CNTN6: variants seen among roughly 807,000 people sequenced by gnomAD.
CNTN6 encodes contactin 6.
In CNTN6, 137 loss-of-function variants were observed where a neutral mutation model predicts 122.8. The ratio of observed to expected loss-of-function variants is 1.12; its 90% CI spans 0.97 to 1.29. The LOEUF (loss-of-function observed/expected upper bound fraction) is 1.29, where lower values mean the gene tolerates loss of function less well. CNTN6 is among the 50% of genes most tolerant of loss of function. CNTN6 has a pLI of 0.00. For missense variants in CNTN6, 1,634 were observed against 1,223.4 expected, an observed-to-expected ratio of 1.34 and a Z score of -5.01; for synonymous variants, 570 against 426.0, an observed-to-expected ratio of 1.34 and a Z score of -4.16.
intron 1 of CNTN6, among the ~76,000 whole-genome samples, chr3:1,112,030 T>TA (rs1377814846): frequency 7.9e-5 from 12 of 152,120 alleles, no homozygotes; most frequent in Non-Finnish European, 1.5e-4. Flanking sequence ...AGGGGTGCCA[T>TA]AAAAATGATT....
At chr3:1,209,083 C>A (rs898944247) in intron 2 of CNTN6, among the ~76,000 whole-genome samples, 1 of 152,116 alleles carries the variant, frequency 6.6e-6, no homozygotes, top group African/African-American at 2.4e-5. Context: ...ATGAACTCTT[C>A]TTATTATAAT....
rs563807754 is a variant in CNTN6, at chr3:1,334,380, T to A, written c.1364+4445T>A. On this transcript the variant is annotated intron_variant, in intron 11 of 22. Coordinates refer to ENST00000446702, the MANE Select transcript of CNTN6 (RefSeq NM_001289080.2). ...AAATGCTAGACTCCTCTTTTTATTT[T>A]TTTTTTTTTTTTGAGGCCACTATTT... Among the ~76,000 whole-genome samples, 337 of 143,406 alleles carry A rather than the reference T, an allele frequency of 2.3e-3. 1 individual carries two copies. The highest frequency in any genetic ancestry group is 0.01 in the Middle Eastern group (3 of 286). The allele number at this position is 143,406 out of a possible 152,430, so 94.1% of individuals were successfully genotyped here.
chr3:1,139,468 CA>C (rs2092560034), intron 1 of CNTN6, among the ~76,000 whole-genome samples: 1 of 152,112 alleles, frequency 6.6e-6, no homozygotes, highest in African/African-American at 2.4e-5. Context: ...TTCTTGTACT[CA>C]TCAAATTAAA....
intron 5 of CNTN6, among the ~76,000 whole-genome samples, chr3:1,292,578 C>T (rs1024442705): frequency 2.6e-5 from 4 of 152,092 alleles, no homozygotes; most frequent in South Asian, 2.1e-4. Flanking sequence ...TTTAGTGATT[C>T]TAATGTACAT....
At chr3:1,348,923 C>G (rs1183652821) in intron 11 of CNTN6, among the ~76,000 whole-genome samples, 1 of 151,956 alleles carries the variant, frequency 6.6e-6, no homozygotes, top group African/African-American at 2.4e-5. Flanking sequence ...TATAATATGT[C>G]ATAGCCTCCA....
At chr3:1,201,988 G>A (rs1414756927) in intron 2 of CNTN6, among the ~76,000 whole-genome samples, 1 of 152,054 alleles carries the variant, frequency 6.6e-6, no homozygotes, top group Non-Finnish European at 1.5e-5. Flanking sequence ...ATTTTTCTGA[G>A]TCTTGCAAAT....
chr3:1,239,693 CA>C (rs1181149372), intron 4 of CNTN6, among the ~76,000 whole-genome samples: 5 of 151,946 alleles, frequency 3.3e-5, no homozygotes, highest in African/African-American at 9.7e-5. Flanking sequence ...TACATGGAAC[CA>C]AAAAAGAGCC....
At chr3:1,298,883 T>A (rs1696736702) in intron 7 of CNTN6, among the ~76,000 whole-genome samples, 1 of 152,124 alleles carries the variant, frequency 6.6e-6, no homozygotes, top group Non-Finnish European at 1.5e-5. Flanking sequence ...TCGGAGGGCT[T>A]ACCTCTAAAT....
At chr3:1,349,036 C>T in intron 11 of CNTN6, among the ~76,000 whole-genome samples, 1 of 151,888 alleles carries the variant, frequency 6.6e-6, no homozygotes, top group Middle Eastern at 3.2e-3. Context: ...CCGTTTCAAA[C>T]ACAGTAGACA....
Position 1,385,781 on chromosome 3 carries a change from T to C in CNTN6, c.2688T>C (p.Val896=). ...GGCCCTCAAGCCCCCCAGTCAATGTTACCACCAAAAAGTCTCGTAAGTATG... is the reference window on the plus strand; with the variant it reads ...GGCCCTCAAGCCCCCCAGTCAATGTCACCACCAAAAAGTCTCGTAAGTATG... ...GTGPSSPPVN[V]TTKKSPPSQP... is the part of the protein sequence containing the mutation. The change falls in exon 20 of 23, where the codon GTT becomes GTC. Residue 896 remains valine (V), a synonymous_variant. Coordinates refer to ENST00000446702, the MANE Select transcript of CNTN6 (RefSeq NM_001289080.2). The C allele has an allele frequency of 6.8e-6, 11 of 1,609,844 alleles. No homozygotes were observed. Among genetic ancestry groups the C allele is most frequent in the Non-Finnish European group, 8.5e-6 (10 of 1,178,488 alleles).
chr3:1,250,983 T>G (rs2094657513), intron 4 of CNTN6, among the ~76,000 whole-genome samples: 1 of 152,150 alleles, frequency 6.6e-6, no homozygotes, highest in African/African-American at 2.4e-5. Flanking sequence ...TAGCCCGCAC[T>G]ACTCATAACT....
intron 4 of CNTN6, among the ~76,000 whole-genome samples, chr3:1,259,638 T>C (rs1282999628): frequency 1.3e-5 from 2 of 152,126 alleles, no homozygotes; most frequent in African/African-American, 2.4e-5. Context: ...TGAACTTACA[T>C]GAGTTGAGTC....
At chr3:1,295,432 A>T (rs1696041616) in intron 5 of CNTN6, among the ~76,000 whole-genome samples, 169 bp from the exon 6 acceptor site, 3 of 152,212 alleles carry the variant, frequency 2.0e-5, no homozygotes, top group Admixed American at 2.0e-4. Flanking sequence ...GCTATATTTC[A>T]ATATAAGGGA....
chr3:1,302,512 G>T (rs975152997), intron 7 of CNTN6, among the ~76,000 whole-genome samples: 13 of 152,052 alleles, frequency 8.5e-5, no homozygotes, highest in African/African-American at 3.1e-4. Flanking sequence ...AGGGAGGAAG[G>T]AAATCAATAG....
At chr3:1,217,078 A>G (rs1169257305) in intron 2 of CNTN6, among the ~76,000 whole-genome samples, 1 of 152,218 alleles carries the variant, frequency 6.6e-6, no homozygotes, top group Non-Finnish European at 1.5e-5. Flanking sequence ...AAATCTCAAA[A>G]CAACCATCTG....
rs1302367628 is a variant in CNTN6 at position 1,158,815 on chromosome 3, TAC to T, written c.55+10760_55+10761del. On this transcript the variant is annotated intron_variant, in intron 2 of 22. Transcript: ENST00000446702. ...GTGTATATATATACACACATATATATACACACACATATATATACACACACATA... is the reference window on the plus strand; with the variant it reads ...GTGTATATATATACACACATATATATACACACATATATATACACACACATA... Among the ~76,000 whole-genome samples, 117 of 130,410 alleles carry T rather than the reference TAC, an allele frequency of 9.0e-4. 2 individuals are homozygous for T. In the South Asian group the frequency reaches 0.025, roughly 28 times the overall value. The allele number at this position is 130,410 out of a possible 152,430, so 85.6% of individuals were successfully genotyped here.
intron 2 of CNTN6, among the ~76,000 whole-genome samples, chr3:1,182,833 G>A (rs1445893553): frequency 1.3e-5 from 2 of 151,984 alleles, no homozygotes; most frequent in Non-Finnish European, 2.9e-5. Context: ...TAATGGTGTT[G>A]CATGAACAAT....
chr3:1,110,263 A>T (rs1272051936), intron 1 of CNTN6, among the ~76,000 whole-genome samples: 3 of 151,760 alleles, frequency 2.0e-5, no homozygotes, highest in Non-Finnish European at 4.4e-5. Flanking sequence ...TTATTAAAAG[A>T]TTGACTTTAA....
chr3:1,367,912 C>T (rs530057830), intron 12 of CNTN6, among the ~76,000 whole-genome samples: 3 of 152,268 alleles, frequency 2.0e-5, no homozygotes, highest in South Asian at 2.1e-4. Context: ...CTTGCCCATA[C>T]CTCGCCGGAG....
Sources: gnomAD v4.1 joint callset for allele counts (sites outside exome capture counted in the v4.1 genomes callset) on GRCh38, gnomAD v4.1.1 for gene constraint, MANE v1.5 for transcripts, NCBI Gene and HGNC (gene_info 2026-07-23, HGNC 2026-07-21) for gene names.